The following ACAP2 variants were observed in gnomAD, a reference collection of about 807,000 sequenced individuals.
The protein encoded by ACAP2 is arf-GAP with coiled-coil, ANK repeat and PH domain-containing protein 2.
Under a neutral mutation model 115.8 loss-of-function variants are expected in ACAP2, and 39 were observed. The observed-to-expected ratio is 0.34, with a 90% CI of 0.26 to 0.44. The LOEUF is 0.44. Among genes scored for constraint, ACAP2 ranks in the 20% least tolerant of loss-of-function variants. ACAP2 has a pLI of 1.00. For synonymous variants in ACAP2, 289 were observed against 315.8 expected (o/e 0.92, Z 0.90); for missense variants, 662 against 927.6 (o/e 0.71, Z 3.72).
At chr3:195,431,325 C>T (rs1242281698) in intron 1 of ACAP2, among the ~76,000 whole-genome samples, 1 of 152,240 alleles carries the variant, frequency 6.6e-6, no homozygotes, top group Non-Finnish European at 1.5e-5. Flanking sequence ...GTGAATAATG[C>T]TCCTATGAAC....
In ACAP2 at chr3:195,295,630, G is replaced by GTAA. The variant is rs1727593744; in HGVS notation, c.1672+77_1672+78insTTA. On this transcript the variant is annotated intron_variant, in intron 17 of 22. Transcript: ENST00000326793. ...TTTTAACATTAAAAAAAACGACAAT[G>GTAA]GCTATTAGTTCAGGGATTATAAAAG... 4 of 1,472,340 alleles carry GTAA rather than the reference G, an allele frequency of 2.7e-6. No homozygotes were observed. The South Asian group carries it at 4.9e-5, about 18-fold the overall frequency. 91.2% of individuals were successfully genotyped at this position (1,472,340 alleles called of 1,614,324 possible).
intron 1 of ACAP2, among the ~76,000 whole-genome samples, chr3:195,415,098 T>C (rs1327047545): frequency 6.6e-6 from 1 of 152,144 alleles, no homozygotes; most frequent in Non-Finnish European, 1.5e-5. Flanking sequence ...TGAACGTTAA[T>C]GGAAACCATG....
chr3:195,310,470 A>T (rs937123088), intron 10 of ACAP2, among the ~76,000 whole-genome samples: 1 of 152,256 alleles, frequency 6.6e-6, no homozygotes, highest in Non-Finnish European at 1.5e-5. Flanking sequence ...AATGGAAACA[A>T]TCTCTGATAC....
At chr3:195,385,720 AC>A (rs1734256615) in intron 2 of ACAP2, among the ~76,000 whole-genome samples, 1 of 152,176 alleles carries the variant, frequency 6.6e-6, no homozygotes, top group Non-Finnish European at 1.5e-5. Context: ...TCTGGAGGAA[AC>A]TGCTTTATAT....
intron 10 of ACAP2, among the ~76,000 whole-genome samples, chr3:195,314,392 C>T (rs904027835): frequency 1.3e-5 from 2 of 151,882 alleles, no homozygotes; most frequent in Non-Finnish European, 2.9e-5. Flanking sequence ...CTCAGTTTCC[C>T]GAGGAGCTGG....
intron 1 of ACAP2, among the ~76,000 whole-genome samples, chr3:195,396,352 T>A (rs1295068720): frequency 6.6e-6 from 1 of 151,828 alleles, no homozygotes; most frequent in African/African-American, 2.4e-5. Context: ...AATAGAACTC[T>A]CTCCACTCAG....
intron 4 of ACAP2, among the ~76,000 whole-genome samples, chr3:195,356,890 G>A (rs968407504): frequency 2.6e-5 from 4 of 151,746 alleles, no homozygotes; most frequent in African/African-American, 4.8e-5. Context: ...GGTGTGACCC[G>A]GCATATTCAC....
chr3:195,390,013 C>A (rs532467958), intron 2 of ACAP2, among the ~76,000 whole-genome samples: 5 of 152,104 alleles, frequency 3.3e-5, no homozygotes, highest in African/African-American at 1.2e-4. Flanking sequence ...CTGGCCAACA[C>A]GGTGAAATCC....
chr3:195,371,863 T>G (rs1192177146), intron 4 of ACAP2, among the ~76,000 whole-genome samples: 2 of 152,132 alleles, frequency 1.3e-5, no homozygotes, highest in Non-Finnish European at 2.9e-5. Context: ...GGTTTTGCCA[T>G]GCCCAGGCTG....
At chr3:195,355,876 AT>A (rs1436309311) in intron 4 of ACAP2, among the ~76,000 whole-genome samples, 1 of 152,246 alleles carries the variant, frequency 6.6e-6, no homozygotes. Flanking sequence ...TTTAAATATT[AT>A]TCAGGGCCAG....
At chr3:195,315,333 T>C (rs1219672599) in intron 10 of ACAP2, among the ~76,000 whole-genome samples, 3 of 152,242 alleles carry the variant, frequency 2.0e-5, no homozygotes, top group African/African-American at 4.8e-5. Context: ...ATATGCTATA[T>C]TCTTTTACAA....
intron 18 of ACAP2, among the ~76,000 whole-genome samples, chr3:195,292,925 A>AAAG (rs1727364642): frequency 6.6e-6 from 1 of 150,962 alleles, no homozygotes; most frequent in Non-Finnish European, 1.5e-5. Flanking sequence ...CAGTCTCAAA[A>AAAG]AAAAAAAAAA....
Position 195,327,947 on chromosome 3 carries a change from A to AT in ACAP2, c.670-989_670-988insA, listed in dbSNP as rs1447274848. Among the ~76,000 whole-genome samples, 5 of 151,242 alleles carry AT rather than the reference A, an allele frequency of 3.3e-5. No individual in the cohort carries two copies. In the East Asian group the frequency reaches 5.9e-4, roughly 18 times the overall value. ...CTCCATCAGCCCTCCACCAAAAAAA[A>AT]ATATATATATATGTATATATATAAC... is the stretch of plus-strand genomic sequence containing the variant. On this transcript the variant is annotated intron_variant, in intron 8 of 22. Coordinates refer to ENST00000326793, the MANE Select transcript of ACAP2 (RefSeq NM_012287.6).
chr3:195,387,603 G>C (rs1419522736), intron 2 of ACAP2, among the ~76,000 whole-genome samples: 2 of 152,130 alleles, frequency 1.3e-5, no homozygotes, highest in African/African-American at 2.4e-5. Context: ...AACCACGCCA[G>C]GGGCACCATA....
In ACAP2 at chr3:195,283,751, C is replaced by A. The variant is rs896257117; in HGVS notation, c.2236+2045G>T. 4.6e-5 allele frequency among the ~76,000 whole-genome samples: 7 copies of A among 152,108 alleles called. No homozygotes were observed. In the South Asian group the frequency reaches 1.0e-3, roughly 23 times the overall value. On this transcript the variant is annotated intron_variant, in intron 22 of 22. Coordinates refer to ENST00000326793, the MANE Select transcript of ACAP2 (RefSeq NM_012287.6). ...CCTCTGAATGAGTTAAAAATCTAAC[C>A]CTTCTCAAGATGATCCTCAAATAAA... is the stretch of plus-strand genomic sequence containing the variant.
In ACAP2 at chr3:195,298,878, G is replaced by A. The variant is rs185379268; in HGVS notation, c.1396-1597C>T. Among the ~76,000 whole-genome samples, 245 of 152,220 alleles carry A rather than the reference G, an allele frequency of 1.6e-3. 1 individual carries two copies. The highest frequency in any genetic ancestry group is 5.6e-3 in the African/African-American group (232 of 41,534). On this transcript the variant is annotated intron_variant, in intron 15 of 22. Transcript: ENST00000326793. ...ACTCCGGACCTCAGGTGATCCACCT[G>A]CCTCAGCCTCCCAAAGTGCTGGGAT... is the stretch of plus-strand genomic sequence containing the variant.
chr3:195,334,965 C>A (rs973100635), intron 7 of ACAP2, among the ~76,000 whole-genome samples: 1 of 152,074 alleles, frequency 6.6e-6, no homozygotes, highest in Non-Finnish European at 1.5e-5. Context: ...ATGGTATATT[C>A]CTTCAAGGTC....
intron 1 of ACAP2, among the ~76,000 whole-genome samples, chr3:195,415,068 A>G (rs1279944548): frequency 1.3e-5 from 2 of 152,160 alleles, no homozygotes; most frequent in African/African-American, 2.4e-5. Flanking sequence ...GTCATTATAC[A>G]TTTATCTAAA....
rs560845328 is a variant in ACAP2 at position 195,348,705 on chromosome 3, C to G, written c.286-3388G>C. Reference sequence around the variant, plus strand: ...AAATCAACATAATTCACCATGTTAACAGACTTAAAAAACAAACTGTATGAC... The same window carrying G: ...AAATCAACATAATTCACCATGTTAAGAGACTTAAAAAACAAACTGTATGAC... On this transcript the variant is annotated intron_variant, in intron 4 of 22. Coordinates refer to ENST00000326793, the MANE Select transcript of ACAP2 (RefSeq NM_012287.6). Among the ~76,000 whole-genome samples, 58 of 152,246 alleles carry G rather than the reference C, an allele frequency of 3.8e-4. No homozygotes were observed. In the Middle Eastern group the frequency reaches 0.017, roughly 45 times the overall value.
Sources: gnomAD v4.1 joint callset for allele counts (sites outside exome capture counted in the v4.1 genomes callset) on GRCh38, gnomAD v4.1.1 for gene constraint, MANE v1.5 for transcripts, NCBI Gene and HGNC (gene_info 2026-07-23, HGNC 2026-07-21) for gene names.